The following WDR7 variants were observed in gnomAD, a reference collection of about 807,000 sequenced individuals.
WDR7 encodes the protein WD repeat domain 7.
In WDR7, 46 loss-of-function variants were observed where a neutral mutation model predicts 169.4. That is an observed-to-expected ratio of 0.27 (90% CI 0.21 to 0.35). The LOEUF is 0.35. Ranked by LOEUF, WDR7 falls within the 10% of genes least tolerant of loss-of-function variation. The pLI, the probability that WDR7 is intolerant of heterozygous loss-of-function variation, is 1.00. For missense variants in WDR7, 1,534 were observed against 1,859.3 expected (o/e 0.83, Z 3.22); for synonymous variants, 612 against 666.8 (o/e 0.92, Z 1.27).
intron 16 of WDR7, among the ~76,000 whole-genome samples, chr18:56,772,377 G>T (rs2044178612): frequency 6.6e-6 from 1 of 152,108 alleles, no homozygotes; most frequent in Admixed American, 6.6e-5. Flanking sequence ...GTCTCAGGAT[G>T]GTAACCACGT....
chr18:56,721,296 G>T (rs2026314949), intron 13 of WDR7, among the ~76,000 whole-genome samples: 1 of 152,050 alleles, frequency 6.6e-6, no homozygotes, highest in Admixed American at 6.5e-5. Flanking sequence ...CGTTTATGCA[G>T]CATGTTTAAA....
intron 21 of WDR7, among the ~76,000 whole-genome samples, chr18:56,918,903 C>T (rs972457934): frequency 6.6e-6 from 1 of 152,156 alleles, no homozygotes; most frequent in Non-Finnish European, 1.5e-5. Context: ...AAGTGTTTTT[C>T]TTGAATGTCA....
intron 20 of WDR7, among the ~76,000 whole-genome samples, chr18:56,857,606 T>C (rs1381138365): frequency 6.6e-6 from 1 of 152,180 alleles, no homozygotes; most frequent in Non-Finnish European, 1.5e-5. Flanking sequence ...TATACACATA[T>C]ATATTTTGCC....
At chr18:56,846,119 A>G (rs1400220354) in intron 20 of WDR7, among the ~76,000 whole-genome samples, 1 of 152,202 alleles carries the variant, frequency 6.6e-6, no homozygotes, top group Non-Finnish European at 1.5e-5. Flanking sequence ...TTGACTAACA[A>G]AAATACTTTT....
chr18:56,995,559 A>G (rs184742100), intron 26 of WDR7, among the ~76,000 whole-genome samples: 56 of 152,250 alleles, frequency 3.7e-4, no homozygotes, highest in Admixed American at 1.1e-3. Flanking sequence ...ATAATCGCCT[A>G]TTTTTGAACT....
At chr18:56,906,836 C>T (rs1450344263) in intron 21 of WDR7, among the ~76,000 whole-genome samples, 4 of 152,144 alleles carry the variant, frequency 2.6e-5, no homozygotes, top group Non-Finnish European at 5.9e-5. Flanking sequence ...GCCACCATGC[C>T]CAGTCTACAC....
At chr18:56,757,516 C>A (rs147769786) in intron 15 of WDR7, among the ~76,000 whole-genome samples, 164 bp downstream of exon 15, 16 of 151,800 alleles carry the variant, frequency 1.1e-4, no homozygotes, top group Non-Finnish European at 1.9e-4. Context: ...TCAAAATGCC[C>A]GATTAAAACA....
intron 20 of WDR7, among the ~76,000 whole-genome samples, chr18:56,833,772 C>T (rs892750874): frequency 7.9e-5 from 12 of 152,228 alleles, no homozygotes; most frequent in East Asian, 1.9e-4. Flanking sequence ...CAATCTTTCC[C>T]GTCTCAAAGA....
At chr18:56,829,148 G>A (rs970589767) in intron 20 of WDR7, among the ~76,000 whole-genome samples, 28 of 150,706 alleles carry the variant, frequency 1.9e-4, no homozygotes, top group African/African-American at 5.6e-4. Context: ...ATTTAGCTGA[G>A]TGTGGTGGTG....
chr18:56,806,731 T>G (rs2044779412), intron 19 of WDR7, among the ~76,000 whole-genome samples: 1 of 152,214 alleles, frequency 6.6e-6, no homozygotes, highest in Non-Finnish European at 1.5e-5. Flanking sequence ...TTTTGGAAGC[T>G]AAGGGTATGT....
intron 20 of WDR7, among the ~76,000 whole-genome samples, 185 bp downstream of exon 20, chr18:56,816,329 GT>G (rs2044970483): frequency 6.6e-6 from 1 of 152,164 alleles, no homozygotes. Context: ...AAGTGGAACT[GT>G]TTCTTTGGTC....
chr18:56,740,750 A>G (rs528112323), intron 14 of WDR7, among the ~76,000 whole-genome samples: 1 of 152,102 alleles, frequency 6.6e-6, no homozygotes, highest in Non-Finnish European at 1.5e-5. Context: ...TCTTCTTAGC[A>G]TGAGAACCCT....
intron 14 of WDR7, among the ~76,000 whole-genome samples, chr18:56,738,042 T>G (rs960061065): frequency 6.6e-6 from 1 of 152,186 alleles, no homozygotes; most frequent in African/African-American, 2.4e-5. Context: ...CGCCAATTGT[T>G]GTCTAGTCCC....
intron 26 of WDR7, among the ~76,000 whole-genome samples, chr18:57,004,094 A>G (rs1204007146): frequency 6.6e-6 from 1 of 151,916 alleles, no homozygotes; most frequent in African/African-American, 2.4e-5. Flanking sequence ...AAGGTTTCTC[A>G]CCTGGCCTAC....
intron 25 of WDR7, among the ~76,000 whole-genome samples, chr18:56,953,729 T>C (rs1369064043): frequency 1.3e-5 from 2 of 152,232 alleles, no homozygotes; most frequent in African/African-American, 4.8e-5. Context: ...GCTGGCAGTT[T>C]TGCATAGAGG....
chr18:56,718,489 G>A lies in WDR7; in HGVS notation c.1774+330G>A, dbSNP rs2026243906. On this transcript the variant is annotated intron_variant, in intron 13 of 27. Transcript: ENST00000254442. ...TTTTTATCTCAGGTTTACATACGGT[G>A]AAAAAGATACAACCCTTTTTTCTTT... Among the ~76,000 whole-genome samples, 3 of 152,174 alleles carry A rather than the reference G, an allele frequency of 2.0e-5. No homozygotes were observed. The South Asian group carries it at 6.2e-4, about 32-fold the overall frequency.
chr18:57,006,479 G>T (rs1204225462), intron 26 of WDR7, among the ~76,000 whole-genome samples: 2 of 152,062 alleles, frequency 1.3e-5, no homozygotes, highest in African/African-American at 4.8e-5. Flanking sequence ...TCCAAATATT[G>T]AATTTTGTAA....
At chr18:56,832,900 G>A (rs2045338036) in intron 20 of WDR7, among the ~76,000 whole-genome samples, 1 of 152,086 alleles carries the variant, frequency 6.6e-6, no homozygotes, top group African/African-American at 2.4e-5. Flanking sequence ...CAAAAAGGCT[G>A]AAAATTCCTA....
At chr18:56,975,183 C>G (rs1254711532) in intron 26 of WDR7, among the ~76,000 whole-genome samples, 1 of 151,662 alleles carries the variant, frequency 6.6e-6, no homozygotes, top group African/African-American at 2.4e-5. Flanking sequence ...TTGTAGTGAG[C>G]TGAGATCACG....
Sources: gnomAD v4.1 joint callset for allele counts (sites outside exome capture counted in the v4.1 genomes callset) on GRCh38, gnomAD v4.1.1 for gene constraint, MANE v1.5 for transcripts, NCBI Gene and HGNC (gene_info 2026-07-23, HGNC 2026-07-21) for gene names.